MDGA2: variants seen among roughly 807,000 people sequenced by gnomAD.
MDGA2 encodes MAM domain containing glycosylphosphatidylinositol anchor 2.
Under a neutral mutation model 117.8 loss-of-function variants are expected in MDGA2, and 40 were observed. That is an observed-to-expected ratio of 0.34 (90% confidence interval 0.26 to 0.44). MDGA2 has a LOEUF of 0.44. Ranked by LOEUF, MDGA2 falls within the 20% of genes least tolerant of loss-of-function variation. The probability of loss-of-function intolerance (pLI) is 1.00; values close to 1 mark genes in which losing one functional copy is unlikely to be tolerated. For synonymous variants in MDGA2, 452 were observed against 439.0 expected (o/e 1.03, Z -0.37); for missense variants, 1,123 against 1,250.6 (o/e 0.90, Z 1.54).
chr14:46,943,489 A>G (rs1337019824), intron 9 of MDGA2, among the ~76,000 whole-genome samples: 2 of 151,948 alleles, frequency 1.3e-5, no homozygotes, highest in Admixed American at 6.6e-5. Context: ...GTGTATTTTG[A>G]CTAAATTCAA....
intron 1 of MDGA2, among the ~76,000 whole-genome samples, chr14:47,619,579 G>A (rs903193906): frequency 2.0e-5 from 3 of 152,178 alleles, no homozygotes; most frequent in African/African-American, 7.2e-5. Flanking sequence ...CTTTCGGATG[G>A]CAAACATGGA....
chr14:47,653,113 C>A (rs1302492092), intron 1 of MDGA2, among the ~76,000 whole-genome samples: 1 of 152,020 alleles, frequency 6.6e-6, no homozygotes, highest in African/African-American at 2.4e-5. Flanking sequence ...CTTAGATGGA[C>A]AAGAAATAAT....
In MDGA2 at chr14:47,430,238, C is replaced by A. The variant is rs187512598; in HGVS notation, c.281-128688G>T. On this transcript the variant is annotated intron_variant, in intron 1 of 16. Coordinates refer to ENST00000399232, the MANE Select transcript of MDGA2 (RefSeq NM_001113498.3). ...GTGAGAAGCACTTAGGGAACTGTTG[C>A]AGGAGATAATGGAAGTAAAGCCACT... 2.6e-4 allele frequency among the ~76,000 whole-genome samples: 40 copies of A among 152,020 alleles called. 1 individual carries two copies. In the East Asian group the frequency reaches 6.8e-3, roughly 26 times the overall value.
At position 47,477,569 on chromosome 14, in the gene MDGA2, G is replaced by T. The variant is rs114105471; in HGVS notation, c.281-176019C>A. On this transcript the variant is annotated intron_variant, in intron 1 of 16. Transcript: ENST00000399232. ...CTTTATGAAGCTTTTGTCTTTACCTGATTTAAGTAATTACTGGTTCTCAAC... is the reference window on the plus strand; with the variant it reads ...CTTTATGAAGCTTTTGTCTTTACCTTATTTAAGTAATTACTGGTTCTCAAC... Among the ~76,000 whole-genome samples the T allele has an allele frequency of 4.4e-3, 673 of 152,218 alleles. 8 individuals are homozygous for T. Among genetic ancestry groups the T allele is most frequent in the African/African-American group, 0.013 (522 of 41,522 alleles).
intron 14 of MDGA2, among the ~76,000 whole-genome samples, chr14:46,870,656 G>C (rs1363289137): frequency 6.6e-6 from 1 of 151,854 alleles, no homozygotes; most frequent in Non-Finnish European, 1.5e-5. Context: ...ATGAAGCAAA[G>C]AAATGACATA....
At position 47,019,566 on chromosome 14, in the gene MDGA2, G is replaced by A. The variant is rs371777370; in HGVS notation, c.1819+15445C>T. ...AAATATTATCTACCTGGTGTAGGCC[G>A]GGCGCGGTAGCTCACGCCTGTAATC... On this transcript the variant is annotated intron_variant, in intron 8 of 16. Transcript: ENST00000399232. Among the ~76,000 whole-genome samples, 78 of 151,838 alleles carry A rather than the reference G, an allele frequency of 5.1e-4. No homozygotes were observed. In the East Asian group the frequency reaches 5.6e-3, roughly 11 times the overall value.
chr14:47,342,640 AC>A (rs1878920594), intron 1 of MDGA2, among the ~76,000 whole-genome samples: 1 of 152,156 alleles, frequency 6.6e-6, no homozygotes, highest in African/African-American at 2.4e-5. Context: ...GAATTCCAGC[AC>A]AGCATAGAAA....
intron 1 of MDGA2, among the ~76,000 whole-genome samples, chr14:47,578,298 T>A (rs1165505280): frequency 6.6e-6 from 1 of 152,026 alleles, no homozygotes; most frequent in Non-Finnish European, 1.5e-5. Context: ...AAATAGCTAA[T>A]GCATGTGGGG....
intron 8 of MDGA2, among the ~76,000 whole-genome samples, chr14:47,016,999 T>G (rs535085304): frequency 1.3e-5 from 2 of 152,086 alleles, no homozygotes; most frequent in African/African-American, 4.8e-5. Context: ...GCTTGCAAAA[T>G]ACTTGCATTT....
chr14:47,018,042 T>C (rs1888145336), intron 8 of MDGA2, among the ~76,000 whole-genome samples: 1 of 152,140 alleles, frequency 6.6e-6, no homozygotes, highest in African/African-American at 2.4e-5. Flanking sequence ...CAGAAACATA[T>C]ATACTCACAC....
chr14:47,315,839 A>C (rs1889791426), intron 1 of MDGA2, among the ~76,000 whole-genome samples: 1 of 152,122 alleles, frequency 6.6e-6, no homozygotes, highest in South Asian at 2.1e-4. Context: ...TAAAGCAAAG[A>C]AAAAAAAGCA....
intron 9 of MDGA2, among the ~76,000 whole-genome samples, chr14:46,952,466 C>T (rs1885402751): frequency 6.6e-6 from 1 of 151,914 alleles, no homozygotes; most frequent in Non-Finnish European, 1.5e-5. Context: ...CATCACTTAA[C>T]CTGAGTGAAA....
intron 7 of MDGA2, among the ~76,000 whole-genome samples, chr14:47,060,649 T>C (rs1889849139): frequency 6.6e-6 from 1 of 152,068 alleles, no homozygotes; most frequent in South Asian, 2.1e-4. Context: ...ACTAATAACA[T>C]GTTTTCGTTT....
intron 1 of MDGA2, among the ~76,000 whole-genome samples, chr14:47,311,735 G>A (rs1889642507): frequency 6.6e-6 from 1 of 152,070 alleles, no homozygotes; most frequent in South Asian, 2.1e-4. Flanking sequence ...AAGATCATGT[G>A]TTTTTTATTT....
At chr14:46,974,032 C>A (rs1383387531) in intron 8 of MDGA2, among the ~76,000 whole-genome samples, 2 of 151,692 alleles carry the variant, frequency 1.3e-5, no homozygotes, top group African/African-American at 4.8e-5. Context: ...AGCCACCACA[C>A]CCAGCTAATC....
At chr14:47,426,747 AT>A (rs1281584095) in intron 1 of MDGA2, among the ~76,000 whole-genome samples, 1 of 148,796 alleles carries the variant, frequency 6.7e-6, no homozygotes, top group Non-Finnish European at 1.5e-5. Flanking sequence ...CAACATAGTT[AT>A]CCAACAATAG....
intron 5 of MDGA2, among the ~76,000 whole-genome samples, chr14:47,116,243 A>G (rs1329404750): frequency 1.3e-5 from 2 of 152,132 alleles, no homozygotes; most frequent in Admixed American, 6.5e-5. Flanking sequence ...ACTACAAAAC[A>G]TTGGTGAAGG....
chr14:47,094,617 GAT>G (rs765174719), intron 6 of MDGA2, among the ~76,000 whole-genome samples: 8 of 151,982 alleles, frequency 5.3e-5, no homozygotes, highest in Non-Finnish European at 1.0e-4. Flanking sequence ...TGGAATAAAA[GAT>G]TCTGCATTGT....
intron 1 of MDGA2, among the ~76,000 whole-genome samples, chr14:47,595,088 C>T (rs1273774536): frequency 6.6e-6 from 1 of 152,084 alleles, no homozygotes; most frequent in Non-Finnish European, 1.5e-5. Flanking sequence ...AGAACAAAGC[C>T]TGTAACAAGT....
Sources: allele counts gnomAD v4.1 joint callset (sites outside exome capture counted in the v4.1 genomes callset), GRCh38; gene constraint gnomAD v4.1.1; transcripts MANE v1.5; gene names NCBI Gene and HGNC (gene_info 2026-07-23, HGNC 2026-07-21).